PAPPA2: variants seen among roughly 807,000 people sequenced by gnomAD.
The protein encoded by PAPPA2 is pappalysin 2, also known as pappalysin-2.
In PAPPA2, 86 loss-of-function variants were observed where a neutral mutation model predicts 176.4. That is an observed-to-expected ratio of 0.49 (90% confidence interval 0.41 to 0.58). PAPPA2 has a LOEUF of 0.58. Ranked by LOEUF, PAPPA2 falls within the 20% of genes least tolerant of loss-of-function variation. The pLI, the probability that PAPPA2 is intolerant of heterozygous loss-of-function variation, is 0.00. For synonymous variants in PAPPA2, 809 were observed against 852.2 expected, an observed-to-expected ratio of 0.95 and a Z score of 0.88; for missense variants, 2,073 against 2,256.9, an observed-to-expected ratio of 0.92 and a Z score of 1.65.
chr1:176,546,194 C>T (rs1360324067), intron 1 of PAPPA2, among the ~76,000 whole-genome samples: 2 of 152,220 alleles, frequency 1.3e-5, no homozygotes, highest in East Asian at 3.8e-4. Flanking sequence ...TGGAGAAACA[C>T]TGCTCTAAAA....
At chr1:176,799,848 C>G (rs1222794214) in intron 20 of PAPPA2, among the ~76,000 whole-genome samples, 1 of 151,984 alleles carries the variant, frequency 6.6e-6, no homozygotes, top group African/African-American at 2.4e-5. Context: ...GAAATCTCCT[C>G]CACTGAGACT....
At chr1:176,492,543 CTT>C (rs1647348037) in intron 1 of PAPPA2, among the ~76,000 whole-genome samples, 1 of 152,060 alleles carries the variant, frequency 6.6e-6, no homozygotes, top group African/African-American at 2.4e-5. Flanking sequence ...TCAGAATTTC[CTT>C]TGTTTCTAAG....
intron 2 of PAPPA2, among the ~76,000 whole-genome samples, chr1:176,563,268 AC>A (rs1427897722): frequency 6.6e-6 from 1 of 152,146 alleles, no homozygotes; most frequent in Admixed American, 6.5e-5. Flanking sequence ...TTTGCTGCCT[AC>A]TGAGGTGTCT....
chr1:176,526,624 G>A (rs1000824722), intron 1 of PAPPA2, among the ~76,000 whole-genome samples: 1 of 152,176 alleles, frequency 6.6e-6, no homozygotes, highest in African/African-American at 2.4e-5. Context: ...GAGGTTTCGG[G>A]GTGATTTGCT....
chr1:176,827,985 C>T (rs1351241373), intron 21 of PAPPA2, among the ~76,000 whole-genome samples: 2 of 151,992 alleles, frequency 1.3e-5, no homozygotes, highest in Admixed American at 1.3e-4. Context: ...CAGAAGGTGG[C>T]TGCCTCATTC....
In PAPPA2 at chr1:176,556,612, C is replaced by T. The variant is rs1264632988; in HGVS notation, c.290C>T (p.Pro97Leu). The T allele has an allele frequency of 2.5e-6, 4 of 1,614,088 alleles. No homozygotes were observed. The highest frequency in any genetic ancestry group is 3.4e-6 in the Non-Finnish European group (4 of 1,180,056). The change falls in exon 2 of 23, where the codon CCA becomes CTA. Residue 97 changes from proline to leucine, a missense_variant. By Grantham distance (98) the Pro-to-Leu change is moderately conservative. Coordinates refer to ENST00000367662, the MANE Select transcript of PAPPA2 (RefSeq NM_020318.3). ...ATCCATCATACAGGACGCAGCAAAC[C>T]AGACACTGAAGGAAATGCTGTGAGC... ...QEIHHTGRSK[P>L]DTEGNAVSLV...
intron 17 of PAPPA2, among the ~76,000 whole-genome samples, chr1:176,781,934 A>G (rs1274542318): frequency 1.3e-5 from 2 of 152,220 alleles, no homozygotes; most frequent in Non-Finnish European, 2.9e-5. Flanking sequence ...AAAACAACTA[A>G]TTAATGCTTT....
At chr1:176,612,478 C>G (rs1654988964) in intron 3 of PAPPA2, among the ~76,000 whole-genome samples, 1 of 152,016 alleles carries the variant, frequency 6.6e-6, no homozygotes, top group Non-Finnish European at 1.5e-5. Context: ...AAGTGATTGC[C>G]CATGTATTAG....
intron 3 of PAPPA2, among the ~76,000 whole-genome samples, chr1:176,669,038 TGTCCAAGAC>T (rs531865272): frequency 3.2e-4 from 48 of 152,196 alleles, no homozygotes; most frequent in African/African-American, 1.0e-3. Context: ...GGGAGGATGG[TGTCCAAGAC>T]TGGTAGATGG....
chr1:176,755,602 A>G (rs1663377697), intron 14 of PAPPA2, among the ~76,000 whole-genome samples: 1 of 152,234 alleles, frequency 6.6e-6, no homozygotes, highest in Non-Finnish European at 1.5e-5. Context: ...TCAGCAGTGC[A>G]GTCCCTTGGA....
chr1:176,779,352 T>G (rs1414285916), intron 17 of PAPPA2, among the ~76,000 whole-genome samples: 3 of 151,972 alleles, frequency 2.0e-5, no homozygotes. Flanking sequence ...TGCTCTCTAG[T>G]GATGGGGTCA....
At chr1:176,471,498 G>A (rs1651871477) in intron 1 of PAPPA2, among the ~76,000 whole-genome samples, 2 of 149,660 alleles carry the variant, frequency 1.3e-5, no homozygotes, top group South Asian at 4.3e-4. Flanking sequence ...ATTGTTATAA[G>A]GCAAGCACTC....
At chr1:176,756,551 T>G (rs1663427668) in intron 14 of PAPPA2, among the ~76,000 whole-genome samples, 2 of 152,318 alleles carry the variant, frequency 1.3e-5, no homozygotes, top group South Asian at 4.1e-4. Context: ...TGAATTGCTT[T>G]TGTTCTTTCT....
intron 21 of PAPPA2, among the ~76,000 whole-genome samples, chr1:176,826,650 G>T (rs1666872570): frequency 6.6e-6 from 1 of 152,186 alleles, no homozygotes; most frequent in Admixed American, 6.5e-5. Flanking sequence ...GAAGCTAAAA[G>T]AAACAAGACT....
Position 176,557,123 on chromosome 1 carries a change from G to A in PAPPA2, c.801G>A (p.Gly267=). ...QVGLPILYFS[G]RRERLLLRPE... is the part of the protein sequence containing the mutation. Reference sequence around the variant, plus strand: ...GACTGCCCATCTTATACTTCTCTGGGAGGCGGGAGCGGCTGCTGCTGCGTC... The same window carrying A: ...GACTGCCCATCTTATACTTCTCTGGAAGGCGGGAGCGGCTGCTGCTGCGTC... Residue 267 remains glycine (G), a synonymous_variant, in exon 2 of 23, where the codon GGG becomes GGA. Coordinates refer to ENST00000367662, the MANE Select transcript of PAPPA2 (RefSeq NM_020318.3). 1 of 1,613,984 alleles carries A rather than the reference G, an allele frequency of 6.2e-7. No individual in the cohort carries two copies. The highest frequency in any genetic ancestry group is 8.5e-7 in the Non-Finnish European group (1 of 1,180,022).
rs150214446 is a variant in PAPPA2, at chr1:176,718,523, C to T, written c.3798+6542C>T. 8.0e-3 allele frequency among the ~76,000 whole-genome samples: 1,222 copies of T among 151,884 alleles called. 12 individuals are homozygous for T. The highest frequency in any genetic ancestry group is 0.014 in the Non-Finnish European group (944 of 67,862). The stretch of plus-strand genomic sequence containing the variant: ...TGTTTTTAAATTTTATACATTAAGG[C>T]CATAAATTTCCTTTTAAACATGACT... On this transcript the variant is annotated intron_variant, in intron 12 of 22. Coordinates refer to ENST00000367662, the MANE Select transcript of PAPPA2 (RefSeq NM_020318.3).
intron 14 of PAPPA2, among the ~76,000 whole-genome samples, chr1:176,743,538 C>T (rs1662777101): frequency 6.6e-6 from 1 of 152,142 alleles, no homozygotes. Context: ...CACAACTTGC[C>T]ACAGTATCAG....
chr1:176,765,662 C>T lies in PAPPA2; in HGVS notation c.4152-4C>T, dbSNP rs772618341. The T allele has an allele frequency of 1.2e-6, 2 of 1,613,242 alleles. No homozygotes were observed. Among genetic ancestry groups the T allele is most frequent in the Middle Eastern group, 1.7e-4 (1 of 6,052 alleles). ...CTAAGATGGTTCTATTTCTCTTATC[C>T]CAGCTGTATCCATCGGCCCTGTGGG... On this transcript the variant is annotated splice_polypyrimidine_tract_variant and splice_region_variant and intron_variant, in intron 14 of 22. Transcript: ENST00000367662.
chr1:176,475,763 G>A (rs1652087890), intron 1 of PAPPA2, among the ~76,000 whole-genome samples: 1 of 152,156 alleles, frequency 6.6e-6, no homozygotes. Flanking sequence ...TTGTTTTTTG[G>A]AGGATGGGAG....
Sources: gnomAD v4.1 joint callset for allele counts (sites outside exome capture counted in the v4.1 genomes callset) on GRCh38, gnomAD v4.1.1 for gene constraint, MANE v1.5 for transcripts, NCBI Gene and HGNC (gene_info 2026-07-23, HGNC 2026-07-21) for gene names.